CCDC102B: variants seen among roughly 807,000 people sequenced by gnomAD.
CCDC102B encodes the protein coiled-coil domain containing 102B.
CCDC102B carries 75 observed loss-of-function variants against 57.4 expected under a neutral mutation model. That is an observed-to-expected ratio of 1.31 (90% CI 1.08 to 1.58). The LOEUF (loss-of-function observed/expected upper bound fraction) is 1.58. CCDC102B is among the 40% of genes most tolerant of loss of function. The pLI is 0.00. For missense variants in CCDC102B, 636 were observed against 582.6 expected, an observed-to-expected ratio of 1.09 and a Z score of -0.94; for synonymous variants, 206 against 201.9, an observed-to-expected ratio of 1.02 and a Z score of -0.17.
intron 4 of CCDC102B, among the ~76,000 whole-genome samples, chr18:68,851,755 A>G (rs2038136081): frequency 1.3e-5 from 2 of 152,174 alleles, no homozygotes; most frequent in Admixed American, 6.6e-5. Context: ...TAGACAGTTA[A>G]TAGTTTGAGG....
chr18:68,814,104 A>G (rs1028703538), intron 1 of CCDC102B, among the ~76,000 whole-genome samples: 2 of 152,166 alleles, frequency 1.3e-5, no homozygotes, highest in African/African-American at 4.8e-5. Context: ...GAGAAGTATA[A>G]AAGGCTTTCT....
intron 2 of CCDC102B, among the ~76,000 whole-genome samples, chr18:68,759,695 C>T (rs538983658): frequency 3.9e-5 from 6 of 152,008 alleles, no homozygotes; most frequent in African/African-American, 1.2e-4. Flanking sequence ...TCCTTTCTAT[C>T]GAATGTAGAT....
At chr18:68,908,704 C>T (rs2040731172) in intron 6 of CCDC102B, 1 of 152,078 alleles carries the variant, frequency 6.6e-6, no homozygotes, top group African/African-American at 2.4e-5. Flanking sequence ...TATAAAAAAT[C>T]AGTGTGGTAT....
Position 68,980,187 on chromosome 18 carries a change from T to C in CCDC102B, c.1264-30747T>C, listed in dbSNP as rs548969193. Among the ~76,000 whole-genome samples, 18 of 151,976 alleles carry C rather than the reference T, an allele frequency of 1.2e-4. No homozygotes were observed. The South Asian group carries it at 1.9e-3, about 16-fold the overall frequency. ...TGTAGGGAGTAGAACCCTTGTGAGT[T>C]CTGCAGTGACTGGGACCATTCTTAG... On this transcript the variant is annotated intron_variant, in intron 6 of 7. Coordinates refer to ENST00000360242, the MANE Select transcript of CCDC102B (RefSeq NM_024781.3).
chr18:68,871,541 A>T (rs1182594287), intron 4 of CCDC102B, among the ~76,000 whole-genome samples: 2 of 152,264 alleles, frequency 1.3e-5, no homozygotes, highest in East Asian at 3.9e-4. Context: ...TTAAAGGAGA[A>T]AGTATAGTTG....
At chr18:68,938,667 T>C (rs1157760578) in intron 6 of CCDC102B, among the ~76,000 whole-genome samples, 2 of 151,678 alleles carry the variant, frequency 1.3e-5, no homozygotes, top group Admixed American at 1.3e-4. Context: ...TATGATATCA[T>C]TGATTTTCCC....
intron 7 of CCDC102B, among the ~76,000 whole-genome samples, chr18:69,046,677 G>T (rs190557478): frequency 6.6e-6 from 1 of 152,234 alleles, no homozygotes; most frequent in Admixed American, 6.5e-5. Context: ...CAGGTCCTAT[G>T]TACAGAATGG....
At chr18:68,760,606 G>A (rs899828843) in intron 2 of CCDC102B, among the ~76,000 whole-genome samples, 1 of 152,040 alleles carries the variant, frequency 6.6e-6, no homozygotes. Context: ...AACCAGCAAA[G>A]GAAAGATATA....
At chr18:68,909,027 G>T (rs1156369859) in intron 6 of CCDC102B, among the ~76,000 whole-genome samples, 1 of 151,194 alleles carries the variant, frequency 6.6e-6, no homozygotes. Context: ...TATCCACAGT[G>T]ATTAGTTTTA....
chr18:68,987,895 A>G (rs2050764073), intron 6 of CCDC102B, among the ~76,000 whole-genome samples: 1 of 152,084 alleles, frequency 6.6e-6, no homozygotes, highest in Admixed American at 6.6e-5. Context: ...TCAAAAAATA[A>G]CCTGCTCTTG....
intron 6 of CCDC102B, among the ~76,000 whole-genome samples, chr18:68,980,428 A>T (rs983982636): frequency 2.6e-5 from 4 of 151,552 alleles, no homozygotes; most frequent in Non-Finnish European, 5.9e-5. Flanking sequence ...TACAGAGCAA[A>T]CTCTTTGCTC....
In CCDC102B at chr18:68,780,905, A is replaced by C. The variant is rs564140313; in HGVS notation, c.-66-42461A>C. On this transcript the variant is annotated intron_variant, in intron 2 of 3. Transcript: ENST00000578970. ...AACATAATTATAATCACACCAGATA[A>C]GCCAGAAGTGAGTAGAACATTGGAG... is the stretch of plus-strand genomic sequence containing the variant. Among the ~76,000 whole-genome samples, 9 of 152,274 alleles carry C rather than the reference A, an allele frequency of 5.9e-5. No homozygotes were observed. The South Asian group carries it at 1.4e-3, about 25-fold the overall frequency.
chr18:68,836,680 G>T, intron 1 of CCDC102B, 69 bp from the exon 2 acceptor site: 308 of 627,434 alleles, frequency 4.9e-4, no homozygotes, highest in Middle Eastern at 1.4e-3. Flanking sequence ...AAAAAAAAAA[G>T]TGTAGGTCTT....
intron 2 of CCDC102B, among the ~76,000 whole-genome samples, chr18:68,765,324 G>GGAAGGAAAGAGAAA (rs1491399373): frequency 1.7e-5 from 1 of 60,332 alleles, no homozygotes; most frequent in African/African-American, 5.9e-5. Flanking sequence ...AAGGAAGGAA[G>GGAAGGAAAGAGAAA]GAAAGAAAGA....
chr18:68,939,218 T>A (rs1248820901), intron 6 of CCDC102B, among the ~76,000 whole-genome samples: 3 of 151,854 alleles, frequency 2.0e-5, no homozygotes, highest in African/African-American at 7.2e-5. Flanking sequence ...AGATTATAGT[T>A]GTGAGATAAC....
chr18:69,050,887 T>G (rs2052687055), intron 7 of CCDC102B, among the ~76,000 whole-genome samples: 1 of 152,188 alleles, frequency 6.6e-6, no homozygotes, highest in Non-Finnish European at 1.5e-5. Flanking sequence ...GTTCCATTAA[T>G]AAGACTATTT....
At chr18:68,846,480 A>T (rs2037866851) in intron 4 of CCDC102B, 59 bp downstream of exon 4, 1 of 1,120,520 alleles carries the variant, frequency 8.9e-7, no homozygotes, top group South Asian at 1.5e-5. Context: ...TTCTTTGGAT[A>T]TGTAAGCATG....
chr18:68,952,868 TCAA>T (rs2049737171), intron 6 of CCDC102B, among the ~76,000 whole-genome samples: 1 of 152,156 alleles, frequency 6.6e-6, no homozygotes, highest in African/African-American at 2.4e-5. Context: ...TGTTTATGAA[TCAA>T]CAATTCAGTA....
At chr18:68,821,545 G>A (rs1043892617) in intron 1 of CCDC102B, among the ~76,000 whole-genome samples, 1 of 149,566 alleles carries the variant, frequency 6.7e-6, no homozygotes, top group Admixed American at 6.7e-5. Context: ...AAAATACAGA[G>A]TTTTGTCCTA....
Sources: gnomAD v4.1 joint callset for allele counts (sites outside exome capture counted in the v4.1 genomes callset) on GRCh38, gnomAD v4.1.1 for gene constraint, MANE v1.5 for transcripts, NCBI Gene and HGNC (gene_info 2026-07-23, HGNC 2026-07-21) for gene names.